Variants in ILDR2 observed in about 807,000 individuals in gnomAD.
ILDR2 encodes the protein immunoglobulin-like domain-containing receptor 2.
In ILDR2, 25 loss-of-function variants were observed where a neutral mutation model predicts 66.8. The observed-to-expected ratio is 0.37, with a 90% confidence interval of 0.27 to 0.52. ILDR2 has a LOEUF of 0.52. ILDR2 is among the 20% of genes least tolerant of loss of function. The pLI is 0.88. For synonymous variants in ILDR2, 367 were observed against 357.2 expected, an observed-to-expected ratio of 1.03 and a Z score of -0.31; for missense variants, 827 against 876.8, an observed-to-expected ratio of 0.94 and a Z score of 0.72.
chr1:166,922,004 G>C (rs867295355), intron 8 of ILDR2, among the ~76,000 whole-genome samples: 9 of 152,220 alleles, frequency 5.9e-5, no homozygotes, highest in Non-Finnish European at 1.0e-4. Context: ...TTAGCACCTA[G>C]AAGTTTCCAT....
At chr1:166,964,194 A>G (rs554167322) in intron 1 of ILDR2, among the ~76,000 whole-genome samples, 2 of 152,278 alleles carry the variant, frequency 1.3e-5, no homozygotes, top group Admixed American at 1.3e-4. Context: ...AGAATTGAAG[A>G]CCACAGGTGG....
At chr1:166,970,638 C>T (rs1271319258) in intron 1 of ILDR2, among the ~76,000 whole-genome samples, 5 of 152,226 alleles carry the variant, frequency 3.3e-5, no homozygotes, top group Non-Finnish European at 7.3e-5. Context: ...TAACACTGAA[C>T]TAAGCACTAG....
downstream of ILDR2, among the ~76,000 whole-genome samples, chr1:166,905,887 T>A (rs1021764531): frequency 6.6e-6 from 1 of 152,234 alleles, no homozygotes; most frequent in African/African-American, 2.4e-5. Flanking sequence ...CCACGGCTTA[T>A]AAGTGAAAAC....
intron 3 of ILDR2, among the ~76,000 whole-genome samples, chr1:166,941,863 C>T (rs566383522): frequency 3.0e-4 from 45 of 152,076 alleles, no homozygotes; most frequent in Non-Finnish European, 5.4e-4. Flanking sequence ...GCTACCAATT[C>T]GTGGGCTCCT....
chr1:166,897,008 A>C (rs1017111032), intron 2 of ILDR2, among the ~76,000 whole-genome samples: 1 of 152,194 alleles, frequency 6.6e-6, no homozygotes, highest in African/African-American at 2.4e-5. Flanking sequence ...TTATGTTTCT[A>C]TTGCACATTG....
chr1:166,899,490 C>A (rs1023193187), intron 2 of ILDR2, among the ~76,000 whole-genome samples: 31 of 152,050 alleles, frequency 2.0e-4, no homozygotes, highest in African/African-American at 6.8e-4. Flanking sequence ...CACGTGCTAA[C>A]CAAATTCTTT....
intron 2 of ILDR2, among the ~76,000 whole-genome samples, chr1:166,896,347 G>A (rs1213454337): frequency 6.6e-6 from 1 of 152,112 alleles, no homozygotes; most frequent in Non-Finnish European, 1.5e-5. Flanking sequence ...GATGGCAGGA[G>A]ATGGGATACA....
At chr1:166,966,403 T>G (rs185173424) in intron 1 of ILDR2, among the ~76,000 whole-genome samples, 16 of 152,344 alleles carry the variant, frequency 1.1e-4, no homozygotes, top group Non-Finnish European at 2.9e-5. Context: ...TGTTTTCGTA[T>G]GTTTTCCCCC....
Position 166,922,575 on chromosome 1 carries a change from G to GC in ILDR2, c.1211+17dup. On this transcript the variant is annotated intron_variant, in intron 8 of 9. Transcript: ENST00000271417. ...CTGCCCCCTCACACCGACCAGACCT[G>GC]CCCCTCACAGCCATCACCTGTGCCT... The GC allele has an allele frequency of 6.2e-7, 1 of 1,606,890 alleles. No homozygotes were observed. Among genetic ancestry groups the GC allele is most frequent in the Non-Finnish European group, 8.5e-7 (1 of 1,174,586 alleles).
rs567640443 is a variant in ILDR2 at position 166,920,870 on chromosome 1, T to A, written c.1721A>T (p.Tyr574Phe). 2 of 1,500,218 alleles carry A rather than the reference T, an allele frequency of 1.3e-6. No homozygotes were observed. Among genetic ancestry groups the A allele is most frequent in the African/African-American group, 2.9e-5 (2 of 69,318 alleles). The allele number at this position is 1,500,218 out of a possible 1,614,324, so 92.9% of individuals were successfully genotyped here. A position where few individuals can be genotyped will look rare whatever the true frequency, so the allele number is the denominator to read the frequency against. Residue 574 changes from tyrosine (Y) to phenylalanine (F), a missense_variant, in exon 9 of 10, where the codon TAC becomes TTC. Transcript: ENST00000271417. ...SYYAWSPPGT[Y>F]KAGSSQDDQE... ...GTCGTCCTGCGACGAGCCGGCCTTG[T>A]AGGTGCCGGGCGGCGACCAAGCGTA... is the stretch of plus-strand genomic sequence containing the variant.
At chr1:166,924,782 A>G (rs995027817) in intron 7 of ILDR2, among the ~76,000 whole-genome samples, 3 of 152,184 alleles carry the variant, frequency 2.0e-5, no homozygotes, top group South Asian at 2.1e-4. Context: ...TGTGAGACCA[A>G]TGAGGGAGGA....
chr1:166,966,110 G>A (rs1255239526), intron 1 of ILDR2, among the ~76,000 whole-genome samples: 2 of 151,566 alleles, frequency 1.3e-5, no homozygotes, highest in African/African-American at 2.4e-5. Flanking sequence ...ACTATTCATC[G>A]CCTTGATAAA....
In ILDR2 at chr1:166,915,879, C is replaced by A; in HGVS notation, c.*3476G>T. The A allele has an allele frequency of 6.6e-6, 1 of 152,354 alleles. No homozygotes were observed. Among genetic ancestry groups the A allele is most frequent in the Non-Finnish European group, 1.5e-5 (1 of 68,052 alleles). 9.4% of individuals were successfully genotyped at this position (152,354 alleles called of 1,614,324 possible). On this transcript the variant is annotated 3_prime_UTR_variant, in exon 10 of 10. Transcript: ENST00000271417. ...AGAAGGGGGATGTGAGGCCTAGCAT[C>A]TCCGTGAGGCCTGCCCTGTGTTGGT...
At position 166,909,763 on chromosome 1, in the gene ILDR2, ATATATAAATATATATATT is replaced by A. The variant is rs1168594795; in HGVS notation, c.*9574_*9591del. On this transcript the variant is annotated 3_prime_UTR_variant, in exon 10 of 10. Coordinates refer to ENST00000271417, the MANE Select transcript of ILDR2 (RefSeq NM_199351.3). ...TATATATATATATATATATATAAATATATATAAATATATATATTTATATATATATATATATATATATAT... is the reference window on the plus strand; with the variant it reads ...TATATATATATATATATATATAAATATATATATATATATATATATATATAT... The A allele has an allele frequency of 1.1e-3, 76 of 69,336 alleles. 1 individual carries two copies. The highest frequency in any genetic ancestry group is 4.8e-3 in the African/African-American group (65 of 13,574). The allele number at this position is 69,336 out of a possible 1,614,324, so 4.3% of individuals were successfully genotyped here.
In ILDR2 at chr1:166,908,296, A is replaced by G. The variant is rs1659387435; in HGVS notation, c.*11059T>C. On this transcript the variant is annotated 3_prime_UTR_variant, in exon 10 of 10. Coordinates refer to ENST00000271417, the MANE Select transcript of ILDR2 (RefSeq NM_199351.3). ...CGAAGGTCCTTTTCCTGGTTTGCAG[A>G]CAGATACCTTGCTGTATCCTCACAT... The G allele has an allele frequency of 1.3e-5, 2 of 152,256 alleles. No homozygotes were observed. The highest frequency in any genetic ancestry group is 1.3e-4 in the Admixed American group (2 of 15,282). 9.4% of individuals were successfully genotyped at this position (152,256 alleles called of 1,614,324 possible). A position where few individuals can be genotyped will look rare whatever the true frequency, so the allele number is the denominator to read the frequency against.
chr1:166,972,701 A>G (rs78269715), intron 1 of ILDR2, among the ~76,000 whole-genome samples: 1,934 of 152,184 alleles, frequency 0.013, 33 homozygotes, highest in African/African-American at 0.044. Flanking sequence ...AAAGAGAAAC[A>G]GGAGGAGAAG....
chr1:166,946,584 G>T (rs557486110), intron 3 of ILDR2, among the ~76,000 whole-genome samples: 1 of 152,270 alleles, frequency 6.6e-6, no homozygotes, highest in Non-Finnish European at 1.5e-5. Flanking sequence ...AACTAGAAAG[G>T]ATCTTAGAGG....
In ILDR2 at chr1:166,909,766, TATAA is replaced by T. The variant is rs1230542986; in HGVS notation, c.*9585_*9588del. The T allele has an allele frequency of 1.5e-5, 1 of 67,702 alleles. No homozygotes were observed. Among genetic ancestry groups the T allele is most frequent in the Admixed American group, 1.8e-4 (1 of 5,434 alleles). 4.2% of individuals were successfully genotyped at this position (67,702 alleles called of 1,614,324 possible). A position where few individuals can be genotyped will look rare whatever the true frequency, so the allele number is the denominator to read the frequency against. On this transcript the variant is annotated 3_prime_UTR_variant, in exon 10 of 10. Transcript: ENST00000271417. ...ATATATATATATATATATAAATATA[TATAA>T]ATATATATATTTATATATATATATA...
At chr1:166,922,830 A>G (rs1050568425) in intron 7 of ILDR2, 21 bp from the exon 8 acceptor site, 4 of 1,595,516 alleles carry the variant, frequency 2.5e-6, no homozygotes, top group Non-Finnish European at 3.4e-6. Context: ...AAAATCAGGC[A>G]TGATAGAGCT....
Sources: gnomAD v4.1 joint callset for allele counts (sites outside exome capture counted in the v4.1 genomes callset) on GRCh38, gnomAD v4.1.1 for gene constraint, MANE v1.5 for transcripts, NCBI Gene and HGNC (gene_info 2026-07-23, HGNC 2026-07-21) for gene names.